The following RAB7A variants were observed in gnomAD, a reference collection of about 807,000 sequenced individuals.
The protein encoded by RAB7A is RAB7A, member RAS oncogene family, also known as ras-related protein Rab-7a.
RAB7A carries 2 observed loss-of-function variants against 24.5 expected under a neutral mutation model. That is an observed-to-expected ratio of 0.08 (90% CI 0.03 to 0.26). RAB7A has a LOEUF of 0.26. RAB7A is among the 10% of genes least tolerant of loss of function. The probability of loss-of-function intolerance (pLI) is 1.00; values close to 1 mark genes in which losing one functional copy is unlikely to be tolerated. For missense variants in RAB7A, 118 were observed against 255.7 expected (o/e 0.46, Z 3.67); for synonymous variants, 100 against 95.9 (o/e 1.04, Z -0.25).
intron 1 of RAB7A, among the ~76,000 whole-genome samples, chr3:128,746,847 A>T (rs765812693): frequency 4.0e-5 from 6 of 151,594 alleles, no homozygotes; most frequent in Non-Finnish European, 7.4e-5. Context: ...ACTTTTTAAG[A>T]TTCAACACAT....
At chr3:128,794,353 A>G (rs754515983) in intron 1 of RAB7A, among the ~76,000 whole-genome samples, 2 of 152,204 alleles carry the variant, frequency 1.3e-5, no homozygotes, top group African/African-American at 4.8e-5. Flanking sequence ...TGTCATCTCT[A>G]TATTCCCTAT....
intron 4 of RAB7A, among the ~76,000 whole-genome samples, 199 bp downstream of exon 4, chr3:128,806,789 C>CT (rs1406051594): frequency 1.3e-5 from 2 of 152,222 alleles, no homozygotes; most frequent in Non-Finnish European, 2.9e-5. Context: ...ATCCTGCCCC[C>CT]AGCTGGCTGT....
chr3:128,726,608 C>G (rs961940024), intron 1 of RAB7A, among the ~76,000 whole-genome samples: 7 of 152,186 alleles, frequency 4.6e-5, no homozygotes, highest in Admixed American at 3.9e-4. Context: ...CTCGGACGCT[C>G]TGTTTACTGT....
At chr3:128,738,972 A>G (rs2070521645) in intron 1 of RAB7A, among the ~76,000 whole-genome samples, 1 of 152,200 alleles carries the variant, frequency 6.6e-6, no homozygotes, top group African/African-American at 2.4e-5. Context: ...CTGAAAAACG[A>G]GAGTAATGTG....
chr3:128,793,149 G>C (rs1474100655), intron 1 of RAB7A, among the ~76,000 whole-genome samples: 2 of 152,168 alleles, frequency 1.3e-5, no homozygotes, highest in African/African-American at 2.4e-5. Flanking sequence ...TCAGCCTCCT[G>C]AGTAGCTGGG....
At chr3:128,771,723 TA>T in intron 1 of RAB7A, among the ~76,000 whole-genome samples, 1 of 152,352 alleles carries the variant, frequency 6.6e-6, no homozygotes, top group East Asian at 1.9e-4. Context: ...CAATTACTTT[TA>T]AAGTTTCAGA....
intron 3 of RAB7A, among the ~76,000 whole-genome samples, chr3:128,801,746 A>G (rs1933703313): frequency 6.6e-6 from 1 of 152,244 alleles, no homozygotes; most frequent in Admixed American, 6.5e-5. Context: ...AAGAGAGAAT[A>G]ATAGATCAAA....
intron 3 of RAB7A, among the ~76,000 whole-genome samples, chr3:128,799,752 T>A (rs903457742): frequency 6.6e-6 from 1 of 152,192 alleles, no homozygotes; most frequent in Non-Finnish European, 1.5e-5. Flanking sequence ...GTGTCTGCAG[T>A]TGTTGGAGAT....
At chr3:128,770,351 ACT>A (rs1482743091) in intron 1 of RAB7A, among the ~76,000 whole-genome samples, 1 of 151,950 alleles carries the variant, frequency 6.6e-6, no homozygotes, top group Admixed American at 6.6e-5. Context: ...AGCTAGAGTG[ACT>A]CTGTTTTGTT....
At chr3:128,811,003 G>A (rs911862606) in intron 5 of RAB7A, among the ~76,000 whole-genome samples, 3 of 151,864 alleles carry the variant, frequency 2.0e-5, no homozygotes, top group South Asian at 4.2e-4. Context: ...GCAGTGAGCC[G>A]AGATTGCACC....
At chr3:128,751,654 G>A (rs1335610271) in intron 1 of RAB7A, among the ~76,000 whole-genome samples, 3 of 152,308 alleles carry the variant, frequency 2.0e-5, no homozygotes, top group African/African-American at 7.2e-5. Flanking sequence ...TGAGACATTG[G>A]ACTGTGGACC....
In RAB7A at chr3:128,798,045, G is replaced by C. The variant is rs1259759127; in HGVS notation, c.156G>C (p.Val52=). The C allele has an allele frequency of 6.2e-7, 1 of 1,614,076 alleles. No homozygotes were observed. The highest frequency in any genetic ancestry group is 8.5e-7 in the Non-Finnish European group (1 of 1,179,944). ...ACTTTCTGACCAAGGAGGTGATGGT[G>C]GATGACAGGCTAGTCACAATGCAGG... ...GADFLTKEVM[V]DDRLVTMQIW... The change falls in exon 3 of 6, where the codon GTG becomes GTC. Residue 52 remains valine (V), a synonymous_variant. Transcript: ENST00000265062.
chr3:128,800,534 C>G (rs950544333), intron 3 of RAB7A, among the ~76,000 whole-genome samples: 3 of 152,034 alleles, frequency 2.0e-5, no homozygotes, highest in Non-Finnish European at 4.4e-5. Context: ...GTGGGCTTCT[C>G]AAGAAGCCCA....
intron 1 of RAB7A, among the ~76,000 whole-genome samples, chr3:128,739,101 C>T (rs969974364): frequency 6.6e-6 from 1 of 152,196 alleles, no homozygotes; most frequent in Non-Finnish European, 1.5e-5. Flanking sequence ...ACCCTGTTAG[C>T]CATTGAGTAT....
At position 128,798,049 on chromosome 3, in the gene RAB7A, G is replaced by T; in HGVS notation, c.160G>T (p.Asp54Tyr). 1 of 1,614,100 alleles carries T rather than the reference G, an allele frequency of 6.2e-7. No individual in the cohort carries two copies. Among genetic ancestry groups the T allele is most frequent in the Non-Finnish European group, 8.5e-7 (1 of 1,179,970 alleles). ...TCTGACCAAGGAGGTGATGGTGGAT[G>T]ACAGGCTAGTCACAATGCAGGTAAG... ...DFLTKEVMVD[D>Y]RLVTMQIWDT... Residue 54 changes from aspartate to tyrosine, a missense_variant, in exon 3 of 6, where the codon GAC becomes TAC. Coordinates refer to ENST00000265062, the MANE Select transcript of RAB7A (RefSeq NM_004637.6).
In RAB7A at chr3:128,737,042, A is replaced by G. The variant is rs1363159577; in HGVS notation, c.-9+10683A>G. Reference sequence around the variant, plus strand: ...CCTTCCGATCCTAAGAAATTTATTTATTTATTATTTTTTGAGATGAAGTCT... The same window carrying G: ...CCTTCCGATCCTAAGAAATTTATTTGTTTATTATTTTTTGAGATGAAGTCT... On this transcript the variant is annotated intron_variant, in intron 1 of 5. Coordinates refer to ENST00000265062, the MANE Select transcript of RAB7A (RefSeq NM_004637.6). Among the ~76,000 whole-genome samples, 14 of 48,190 alleles carry G rather than the reference A, an allele frequency of 2.9e-4. No individual in the cohort carries two copies. The South Asian group carries it at 0.01, about 36-fold the overall frequency. 31.6% of individuals were successfully genotyped at this position (48,190 alleles called of 152,430 possible).
chr3:128,747,637 A>G (rs1235684109), intron 1 of RAB7A, among the ~76,000 whole-genome samples: 2 of 151,830 alleles, frequency 1.3e-5, no homozygotes, highest in Middle Eastern at 3.4e-3. Context: ...AAAGAAAATG[A>G]ATCTCAGCCA....
chr3:128,741,029 A>C (rs2107586120), intron 1 of RAB7A, among the ~76,000 whole-genome samples: 1 of 151,770 alleles, frequency 6.6e-6, no homozygotes, highest in East Asian at 1.9e-4. Flanking sequence ...TGTATAATAA[A>C]TGTAGAAAAA....
At chr3:128,731,411 T>C (rs1576264727) in intron 1 of RAB7A, among the ~76,000 whole-genome samples, 1 of 152,380 alleles carries the variant, frequency 6.6e-6, no homozygotes, top group East Asian at 1.9e-4. Flanking sequence ...TTAAATCCTC[T>C]GACCTGCACC....
Sources: allele counts gnomAD v4.1 joint callset (sites outside exome capture counted in the v4.1 genomes callset), GRCh38; gene constraint gnomAD v4.1.1; transcripts MANE v1.5; gene names NCBI Gene and HGNC (gene_info 2026-07-23, HGNC 2026-07-21).